CDH5: variants seen among roughly 807,000 people sequenced by gnomAD.
CDH5 encodes the protein cadherin-5.
CDH5 carries 28 observed loss-of-function variants against 62.0 expected under a neutral mutation model. The observed-to-expected ratio is 0.45, with a 90% CI of 0.33 to 0.62. The LOEUF (loss-of-function observed/expected upper bound fraction) is 0.62. Among genes scored for constraint, CDH5 ranks in the 20% least tolerant of loss-of-function variants. The probability of loss-of-function intolerance (pLI) is 0.02; values close to 1 mark genes in which losing one functional copy is unlikely to be tolerated. For missense variants in CDH5, 940 were observed against 1,065.1 expected (o/e 0.88, Z 1.63); for synonymous variants, 464 against 445.8 (o/e 1.04, Z -0.52).
rs770341829 is a variant in CDH5, at chr16:66,400,889, G to A, written c.1710G>A (p.Thr570=). ...TGCCAAGTCGCACGGGCACCAGCAC[G>A]CTGACCGTGGCCGTGTGCAAGTGCA... The part of the protein sequence containing the change: ...NGMPSRTGTS[T]LTVAVCKCNE... Residue 570 remains threonine (T), a synonymous_variant, in exon 11 of 12, where the codon ACG becomes ACA. Coordinates refer to ENST00000341529, the MANE Select transcript of CDH5 (RefSeq NM_001795.5). The A allele has an allele frequency of 1.2e-4, 198 of 1,614,084 alleles. No homozygotes were observed. The highest frequency in any genetic ancestry group is 1.6e-4 in the Non-Finnish European group (188 of 1,180,056).
At position 66,389,387 on chromosome 16, in the gene CDH5, G is replaced by C. The variant is rs1405981628; in HGVS notation, c.646G>C (p.Asp216His). 1 of 1,613,042 alleles carries C rather than the reference G, an allele frequency of 6.2e-7. No individual in the cohort carries two copies. Among genetic ancestry groups the C allele is most frequent in the Non-Finnish European group, 8.5e-7 (1 of 1,179,424 alleles). ...GRIITITKSL[D>H]REKQARYEIV... ...TATTATCACAATAACGAAAAGCTTG[G>C]ACCGAGAGAAGCAGGCCAGGTATGA... The change falls in exon 5 of 12, where the codon GAC becomes CAC. Residue 216 changes from aspartate to histidine, a missense_variant. Coordinates refer to ENST00000341529, the MANE Select transcript of CDH5 (RefSeq NM_001795.5).
At chr16:66,371,572 C>A (rs1330130090) in intron 1 of CDH5, among the ~76,000 whole-genome samples, 1 of 152,160 alleles carries the variant, frequency 6.6e-6, no homozygotes, top group African/African-American at 2.4e-5. Context: ...CTTGTGAAGG[C>A]ATGTTTGAGG....
chr16:66,380,288 G>T (rs1451784315), intron 2 of CDH5, among the ~76,000 whole-genome samples: 1 of 148,668 alleles, frequency 6.7e-6, no homozygotes, highest in Admixed American at 6.6e-5. Flanking sequence ...GGGGTAGGTG[G>T]TGATTGTGAT....
intron 11 of CDH5, among the ~76,000 whole-genome samples, chr16:66,402,168 C>A (rs187232884): frequency 1.3e-5 from 2 of 152,004 alleles, no homozygotes; most frequent in East Asian, 2.0e-4. Flanking sequence ...CCTTCCAGGG[C>A]ATCCCAGCTT....
chr16:66,396,111 A>G lies in CDH5; in HGVS notation c.1270A>G (p.Lys424Glu). Residue 424 changes from lysine (K) to glutamate (E), a missense_variant, in exon 8 of 12, where the codon AAG becomes GAG. Transcript: ENST00000341529. Reference protein sequence around the residue: ...DKGQFFRVTKKGDIYNEKELD... With the variant: ...DKGQFFRVTKEGDIYNEKELD... ...GGGCCAGTTCTTCCGAGTCACAAAA[A>G]AGGGGGACATTTACAATGAGAAAGA... 6.2e-7 allele frequency: 1 copy of G among 1,614,138 alleles called. No individual in the cohort carries two copies. The highest frequency in any genetic ancestry group is 8.5e-7 in the Non-Finnish European group (1 of 1,179,996).
At chr16:66,387,337 T>A (rs925729806) in intron 3 of CDH5, among the ~76,000 whole-genome samples, 1 of 152,254 alleles carries the variant, frequency 6.6e-6, no homozygotes, top group Non-Finnish European at 1.5e-5. Context: ...AATCATGGAC[T>A]GAGCCCTGAC....
chr16:66,379,148 G>C lies in CDH5; in HGVS notation c.-19-171G>C, dbSNP rs200205913. On this transcript the variant is annotated intron_variant, in intron 1 of 11. Transcript: ENST00000341529. ...TTGTCCTAAAACCGACCTTTCATCC[G>C]AGTGCATGACTGCTCCCTGAAAGGG... 3.2e-5 allele frequency: 6 copies of C among 190,022 alleles called. No homozygotes were observed. The African/African-American group carries it at 3.8e-4, about 12-fold the overall frequency. 11.8% of individuals were successfully genotyped at this position (190,022 alleles called of 1,614,324 possible).
intron 2 of CDH5, among the ~76,000 whole-genome samples, chr16:66,384,138 G>A (rs887320936): frequency 7.4e-6 from 1 of 135,138 alleles, no homozygotes; most frequent in Non-Finnish European, 1.5e-5. Flanking sequence ...AGGCTGGAGT[G>A]CAGTGGCGTG....
intron 1 of CDH5, among the ~76,000 whole-genome samples, chr16:66,373,581 AATTTTT>A (rs1960732065): frequency 6.6e-6 from 1 of 151,862 alleles, no homozygotes; most frequent in Admixed American, 6.6e-5. Context: ...ATGCCAGGCT[AATTTTT>A]GTATTTTTTA....
At chr16:66,388,664 C>T (rs950455969) in intron 4 of CDH5, among the ~76,000 whole-genome samples, 1 of 152,160 alleles carries the variant, frequency 6.6e-6, no homozygotes, top group African/African-American at 2.4e-5. Context: ...GTCCAGGGAA[C>T]AAAATCAGGA....
chr16:66,392,996 G>A (rs1259879203), intron 7 of CDH5: 2 of 152,382 alleles, frequency 1.3e-5, no homozygotes, highest in African/African-American at 4.8e-5. Context: ...TGCCATGCTG[G>A]TTTCATCGAT....
intron 7 of CDH5, chr16:66,395,653 T>G (rs1362532301): frequency 6.5e-6 from 1 of 154,458 alleles, no homozygotes; most frequent in African/African-American, 2.4e-5. Context: ...CTTTTTAAGT[T>G]TTTTATTTCA....
chr16:66,369,117 G>C (rs1205391469), intron 1 of CDH5, among the ~76,000 whole-genome samples: 1 of 152,176 alleles, frequency 6.6e-6, no homozygotes, highest in African/African-American at 2.4e-5. Context: ...CTAATTCAGG[G>C]ATTTCCAGGT....
In CDH5 at chr16:66,403,430, C is replaced by G; in HGVS notation, c.*261C>G. The G allele has an allele frequency of 1.9e-6, 1 of 517,398 alleles. No homozygotes were observed. The highest frequency in any genetic ancestry group is 3.5e-6 in the Non-Finnish European group (1 of 287,398). 32.1% of individuals were successfully genotyped at this position (517,398 alleles called of 1,614,324 possible). A position where few individuals can be genotyped will look rare whatever the true frequency, so the allele number is the denominator to read the frequency against. On this transcript the variant is annotated 3_prime_UTR_variant, in exon 12 of 12. Coordinates refer to ENST00000341529, the MANE Select transcript of CDH5 (RefSeq NM_001795.5). This position sits in a 1 kb window ranked among gnomAD's most constrained non-coding sequence, Gnocchi z 4.3. ...GTCTGGGCTCAGACATCCACATAAC[C>G]CTGTCACCCACAGACCGCCGTCTAA...
chr16:66,368,690 C>T (rs1029691435), intron 1 of CDH5, among the ~76,000 whole-genome samples: 1 of 152,190 alleles, frequency 6.6e-6, no homozygotes, highest in African/African-American at 2.4e-5. Context: ...ATGGGACCAT[C>T]GAGGCTGAGG....
rs1277348013 is a variant in CDH5, at chr16:66,392,379, A to C, written c.1213A>C (p.Ile405Leu). The C allele has an allele frequency of 6.2e-7, 1 of 1,614,146 alleles. No homozygotes were observed. Among genetic ancestry groups the C allele is most frequent in the Non-Finnish European group, 8.5e-7 (1 of 1,180,006 alleles). The change falls in exon 7 of 12, where the codon ATT becomes CTT. Residue 405 changes from isoleucine to leucine, a missense_variant. Coordinates refer to ENST00000341529, the MANE Select transcript of CDH5 (RefSeq NM_001795.5). The stretch of plus-strand genomic sequence containing the variant: ...GGACCCTGATGCGGCTAGGCATAGC[A>C]TTGGGTAAGGGGGCGTGTGTCGATG... ...AMDPDAARHS[I>L]GYSIRRTSDK...
At chr16:66,369,207 G>A (rs2142300551) in intron 1 of CDH5, among the ~76,000 whole-genome samples, 1 of 152,316 alleles carries the variant, frequency 6.6e-6, no homozygotes, top group East Asian at 1.9e-4. Context: ...GGACCCAGGG[G>A]CAGGCCGGGC....
rs759993971 is a variant in CDH5, at chr16:66,402,965, C to T, written c.2151C>T (p.Asp717=). ...TCGAGGTGAAGAAGGACGAGGCGGA[C>T]CACGACGGCGACGGCCCCCCCTACG... The part of the protein sequence containing the change: ...AMIEVKKDEA[D]HDGDGPPYDT... Residue 717 remains aspartate, a synonymous_variant, in exon 12 of 12, where the codon GAC becomes GAT. Transcript: ENST00000341529. The T allele has an allele frequency of 6.2e-7, 1 of 1,612,978 alleles. No homozygotes were observed. The highest frequency in any genetic ancestry group is 1.1e-5 in the South Asian group (1 of 91,054).
chr16:66,400,045 G>A (rs1961253935), intron 10 of CDH5, among the ~76,000 whole-genome samples: 1 of 152,210 alleles, frequency 6.6e-6, no homozygotes, highest in Non-Finnish European at 1.5e-5. Flanking sequence ...CCCTGCAAAA[G>A]GCAGATTATC....
Sources: allele counts gnomAD v4.1 joint callset (sites outside exome capture counted in the v4.1 genomes callset), GRCh38; gene constraint gnomAD v4.1.1; non-coding constraint Gnocchi (gnomAD v3.1); transcripts MANE v1.5; gene names NCBI Gene and HGNC (gene_info 2026-07-23, HGNC 2026-07-21).